HDAC9: variants seen among roughly 807,000 people sequenced by gnomAD.
The protein encoded by HDAC9 is histone deacetylase 9, also known as MEF-2 interacting transcription repressor (MITR) protein.
A neutral mutation model predicts 139.4 loss-of-function variants in HDAC9; 41 were observed. That is an observed-to-expected ratio of 0.29 (90% confidence interval 0.23 to 0.38). The LOEUF (loss-of-function observed/expected upper bound fraction) is 0.38, where lower values mean the gene tolerates loss of function less well. Among genes scored for constraint, HDAC9 ranks in the 10% least tolerant of loss-of-function variants. The pLI, the probability that HDAC9 is intolerant of heterozygous loss-of-function variation, is 1.00. For missense variants in HDAC9, 1,147 were observed against 1,297.0 expected, an observed-to-expected ratio of 0.88 and a Z score of 1.78; for synonymous variants, 517 against 476.2, an observed-to-expected ratio of 1.09 and a Z score of -1.12.
At chr7:18,875,078 T>C (rs1799219115) in intron 22 of HDAC9, among the ~76,000 whole-genome samples, 1 of 152,214 alleles carries the variant, frequency 6.6e-6, no homozygotes, top group African/African-American at 2.4e-5. Flanking sequence ...TGGGCAACCC[T>C]CATAATCTCT....
chr7:18,218,068 G>T (rs1792438235), intron 2 of HDAC9, among the ~76,000 whole-genome samples: 1 of 152,142 alleles, frequency 6.6e-6, no homozygotes, highest in South Asian at 2.1e-4. Context: ...TTTTTGCCAT[G>T]TGGGCCACTT....
At chr7:18,377,576 A>G (rs941023968) in intron 1 of HDAC9, among the ~76,000 whole-genome samples, 3 of 152,216 alleles carry the variant, frequency 2.0e-5, no homozygotes, top group African/African-American at 7.2e-5. Context: ...CAATAATTTC[A>G]ATGTAAGTTT....
At chr7:18,759,551 T>C (rs769204286) in intron 14 of HDAC9, among the ~76,000 whole-genome samples, 3 of 152,020 alleles carry the variant, frequency 2.0e-5, no homozygotes, top group Non-Finnish European at 4.4e-5. Context: ...TTCTACATTA[T>C]GGTGAGTTGT....
intron 1 of HDAC9, among the ~76,000 whole-genome samples, chr7:18,146,707 C>T (rs536531460): frequency 1.3e-5 from 2 of 152,194 alleles, no homozygotes; most frequent in Admixed American, 1.3e-4. Flanking sequence ...TTCCTTCTAG[C>T]GAAAACAATT....
chr7:18,146,826 T>C (rs559271297), intron 1 of HDAC9, among the ~76,000 whole-genome samples: 3 of 152,260 alleles, frequency 2.0e-5, no homozygotes, highest in South Asian at 4.1e-4. Flanking sequence ...TTAACATTTT[T>C]CCCAAGAAGC....
At position 18,388,628 on chromosome 7, in the gene HDAC9, A is replaced by G. The variant is rs75945613; in HGVS notation, c.-42+98113A>G. Among the ~76,000 whole-genome samples, 993 of 152,290 alleles carry G rather than the reference A, an allele frequency of 6.5e-3. 7 individuals carry two copies. Among genetic ancestry groups the G allele is most frequent in the African/African-American group, 0.023 (951 of 41,550 alleles). On this transcript the variant is annotated intron_variant, in intron 1 of 3. Coordinates refer to the HDAC9 transcript ENST00000413509. ...ACACATGAAAAGTTGTTCTAAATGT[A>G]GTTCCTAACTCTGCTCTTTTTCTTT...
At chr7:18,281,807 A>C (rs894950185) in intron 2 of HDAC9, among the ~76,000 whole-genome samples, 6 of 152,248 alleles carry the variant, frequency 3.9e-5, no homozygotes, top group African/African-American at 1.4e-4. Context: ...TGTCCTGAAT[A>C]AAATCCCTTT....
chr7:18,244,936 A>G (rs144916661), intron 2 of HDAC9, among the ~76,000 whole-genome samples: 1,907 of 151,550 alleles, frequency 0.013, 43 homozygotes, highest in African/African-American at 0.044. Flanking sequence ...ATATATATCT[A>G]TATCTGTATC....
chr7:18,493,137 CTATTTTT>C (rs1180320115), upstream of HDAC9, among the ~76,000 whole-genome samples: 4 of 151,724 alleles, frequency 2.6e-5, no homozygotes, highest in Non-Finnish European at 5.9e-5. Flanking sequence ...GAGTTTTATT[CTATTTTT>C]TATTTTTTAT....
chr7:18,165,845 A>G (rs1787973147), intron 2 of HDAC9, among the ~76,000 whole-genome samples: 1 of 151,862 alleles, frequency 6.6e-6, no homozygotes, highest in Non-Finnish European at 1.5e-5. Flanking sequence ...GTGGAAACCT[A>G]GAGAAGGCAA....
intron 1 of HDAC9, among the ~76,000 whole-genome samples, chr7:18,374,580 C>T (rs1784847826): frequency 6.6e-6 from 1 of 151,310 alleles, no homozygotes; most frequent in Non-Finnish European, 1.5e-5. Flanking sequence ...TTGGCTACAA[C>T]ATTAAAATGG....
intron 1 of HDAC9, among the ~76,000 whole-genome samples, chr7:18,303,905 G>C (rs1398419363): frequency 6.6e-6 from 1 of 152,224 alleles, no homozygotes; most frequent in Non-Finnish European, 1.5e-5. Context: ...AGGGCAGCAA[G>C]GTGGAAAGAA....
chr7:18,181,546 A>G (rs555236409), intron 2 of HDAC9, among the ~76,000 whole-genome samples: 72 of 152,342 alleles, frequency 4.7e-4, no homozygotes, highest in African/African-American at 1.7e-3. Context: ...TGGACCAGAA[A>G]GTATTTTACA....
intron 14 of HDAC9, among the ~76,000 whole-genome samples, chr7:18,755,037 A>G (rs1467436855): frequency 1.3e-5 from 2 of 151,508 alleles, no homozygotes; most frequent in African/African-American, 4.8e-5. Flanking sequence ...CTTAGTTTGC[A>G]AAAAAAAATT....
intron 12 of HDAC9, among the ~76,000 whole-genome samples, chr7:18,725,022 C>T (rs950966060): frequency 6.6e-6 from 1 of 152,032 alleles, no homozygotes; most frequent in Admixed American, 6.6e-5. Flanking sequence ...GAATGTGGAG[C>T]TTCATAGCCA....
intron 1 of HDAC9, among the ~76,000 whole-genome samples, chr7:18,360,201 A>G (rs558178268): frequency 6.6e-5 from 10 of 152,276 alleles, no homozygotes; most frequent in Admixed American, 5.9e-4. Flanking sequence ...ATATTCCTAC[A>G]TTTTCAATTA....
At chr7:18,331,762 G>A (rs1005153189) in intron 1 of HDAC9, among the ~76,000 whole-genome samples, 3 of 151,668 alleles carry the variant, frequency 2.0e-5, no homozygotes, top group African/African-American at 7.2e-5. Flanking sequence ...GTTTGTTGGA[G>A]AGAGGGACTA....
At chr7:18,795,102 T>C (rs1792666409) in intron 17 of HDAC9, among the ~76,000 whole-genome samples, 1 of 151,906 alleles carries the variant, frequency 6.6e-6, no homozygotes. Context: ...AATAGCCAGT[T>C]CCAAACAATG....
intron 22 of HDAC9, among the ~76,000 whole-genome samples, chr7:18,934,208 A>G (rs964921260): frequency 6.6e-6 from 1 of 152,092 alleles, no homozygotes; most frequent in Non-Finnish European, 1.5e-5. Flanking sequence ...AATCAATACT[A>G]AAAATATTCT....
Sources: gnomAD v4.1 joint callset for allele counts (sites outside exome capture counted in the v4.1 genomes callset) on GRCh38, gnomAD v4.1.1 for gene constraint, MANE v1.5 for transcripts, NCBI Gene and HGNC (gene_info 2026-07-23, HGNC 2026-07-21) for gene names.